Variants in GABRA2 observed in about 807,000 individuals in gnomAD.
GABRA2 encodes the protein gamma-aminobutyric acid type A receptor subunit alpha2.
Under a neutral mutation model 48.7 loss-of-function variants are expected in GABRA2, and 16 were observed. That is an observed-to-expected ratio of 0.33 (90% CI 0.22 to 0.50). The LOEUF (loss-of-function observed/expected upper bound fraction) is 0.50, where lower values mean the gene tolerates loss of function less well. GABRA2 is among the 20% of genes least tolerant of loss of function. GABRA2 has a pLI of 0.98. For synonymous variants in GABRA2, 185 were observed against 184.5 expected, an observed-to-expected ratio of 1.00 and a Z score of -0.02; for missense variants, 275 against 535.6, an observed-to-expected ratio of 0.51 and a Z score of 4.80.
chr4:46,345,016 T>TG (rs1284029877), intron 3 of GABRA2, among the ~76,000 whole-genome samples: 1 of 151,820 alleles, frequency 6.6e-6, no homozygotes, highest in Non-Finnish European at 1.5e-5. Flanking sequence ...GTGTCAAGGG[T>TG]GGGACCTAGT....
chr4:46,335,514 C>T (rs943644928), intron 3 of GABRA2, among the ~76,000 whole-genome samples: 1 of 152,076 alleles, frequency 6.6e-6, no homozygotes, highest in African/African-American at 2.4e-5. Flanking sequence ...GCTCTTATTG[C>T]CCAGGCTGGA....
intron 4 of GABRA2, among the ~76,000 whole-genome samples, chr4:46,330,484 G>A (rs1367784057): frequency 6.6e-6 from 1 of 151,296 alleles, no homozygotes; most frequent in African/African-American, 2.4e-5. Flanking sequence ...CAAGTATGAT[G>A]TGAATTTGTG....
intron 4 of GABRA2, among the ~76,000 whole-genome samples, chr4:46,327,884 C>T (rs1326480640): frequency 6.6e-6 from 1 of 151,996 alleles, no homozygotes; most frequent in Non-Finnish European, 1.5e-5. Flanking sequence ...CAAGCTCTAA[C>T]CCTAACACTT....
intron 6 of GABRA2, among the ~76,000 whole-genome samples, chr4:46,309,080 A>C (rs1319249294): frequency 6.6e-6 from 1 of 152,178 alleles, no homozygotes; most frequent in Admixed American, 6.6e-5. Context: ...GCCAATACTG[A>C]AGTTATGGTT....
rs1560435148 is a variant in GABRA2 at position 46,256,513 on chromosome 4, A to G, written c.1059+5413T>C. On this transcript the variant is annotated intron_variant, in intron 9 of 9. Coordinates refer to ENST00000381620, the MANE Select transcript of GABRA2 (RefSeq NM_000807.4). The stretch of plus-strand genomic sequence containing the variant: ...TTCAAAAGGCAATTTCAGTGTAAGG[A>G]AAAGTTTTTCTCTGAGAAAACTTAT... 6 of 415,136 alleles carry G rather than the reference A, an allele frequency of 1.4e-5. No homozygotes were observed. In the South Asian group the frequency reaches 4.0e-4, roughly 28 times the overall value. 25.7% of individuals were successfully genotyped at this position (415,136 alleles called of 1,614,324 possible). A position where few individuals can be genotyped will look rare whatever the true frequency, so the allele number is the denominator to read the frequency against.
At position 46,389,742 on chromosome 4, in the gene GABRA2, G is replaced by C; in HGVS notation, c.-18C>G. 1.0e-6 allele frequency: 1 copy of C among 977,818 alleles called. No individual in the cohort carries two copies. Among genetic ancestry groups the C allele is most frequent in the Non-Finnish European group, 1.2e-6 (1 of 828,854 alleles). The allele number at this position is 977,818 out of a possible 1,614,324, so 60.6% of individuals were successfully genotyped here. ...CAACGTGTGCGACCCTACCTGAAAC[G>C]GCAAGCAGAATTCGGTGTTTTCTTC... On this transcript the variant is annotated 5_prime_UTR_variant, in exon 1 of 10. Coordinates refer to ENST00000381620, the MANE Select transcript of GABRA2 (RefSeq NM_000807.4).
chr4:46,262,977 A>C (rs1219574580), intron 8 of GABRA2, among the ~76,000 whole-genome samples: 7 of 138,974 alleles, frequency 5.0e-5, no homozygotes, highest in African/African-American at 1.8e-4. Context: ...AGAGAGAGAG[A>C]GGGAGGGAGG....
At chr4:46,335,044 T>C (rs1731979216) in intron 3 of GABRA2, among the ~76,000 whole-genome samples, 1 of 152,148 alleles carries the variant, frequency 6.6e-6, no homozygotes, top group Non-Finnish European at 1.5e-5. Flanking sequence ...GTAATGAATA[T>C]AGATATTTGA....
Position 46,247,783 on chromosome 4 carries a change from T to TA in GABRA2, c.*2524dup, listed in dbSNP as rs1377564000. ...TTGTTACGAATCTTGTTCTATAATT[T>TA]AAAAGCAATTTCCACGGAGCATCCC... On this transcript the variant is annotated 3_prime_UTR_variant, in exon 10 of 10. Coordinates refer to ENST00000381620, the MANE Select transcript of GABRA2 (RefSeq NM_000807.4). 6.6e-6 allele frequency among the ~76,000 whole-genome samples: 1 copy of TA among 151,288 alleles called. No individual in the cohort carries two copies. The highest frequency in any genetic ancestry group is 1.5e-5 in the Non-Finnish European group (1 of 67,476).
chr4:46,290,309 A>AG (rs1055652577), intron 8 of GABRA2, among the ~76,000 whole-genome samples: 6 of 152,202 alleles, frequency 3.9e-5, no homozygotes, highest in African/African-American at 1.2e-4. Context: ...TCTGAAAAAA[A>AG]AAGCCATTGA....
chr4:46,388,771 C>T (rs575998508), intron 1 of GABRA2, 55 bp from the exon 2 acceptor site: 3 of 1,611,930 alleles, frequency 1.9e-6, no homozygotes, highest in East Asian at 2.2e-5. Flanking sequence ...CCTTCAGTTT[C>T]ACTATCCAAG....
intron 4 of GABRA2, among the ~76,000 whole-genome samples, chr4:46,325,621 T>C (rs1560530489): frequency 6.6e-6 from 1 of 152,026 alleles, no homozygotes; most frequent in Non-Finnish European, 1.5e-5. Context: ...TATAATTGCT[T>C]TCAGGGACTT....
Position 46,249,887 on chromosome 4 carries a change from A to C in GABRA2, c.*421T>G, listed in dbSNP as rs1271337055. 1 of 164,894 alleles carries C rather than the reference A, an allele frequency of 6.1e-6. No individual in the cohort carries two copies. Among genetic ancestry groups the C allele is most frequent in the Admixed American group, 5.8e-5 (1 of 17,196 alleles). 10.2% of individuals were successfully genotyped at this position (164,894 alleles called of 1,614,324 possible). ...GCTGATGTCAGATACAATGTTTGTT[A>C]CTTCAAAGGATTCATCTAGGAATGA... On this transcript the variant is annotated 3_prime_UTR_variant, in exon 10 of 10. Coordinates refer to ENST00000381620, the MANE Select transcript of GABRA2 (RefSeq NM_000807.4).
intron 3 of GABRA2, among the ~76,000 whole-genome samples, chr4:46,370,449 G>A (rs1714712703): frequency 6.6e-6 from 1 of 152,064 alleles, no homozygotes; most frequent in Non-Finnish European, 1.5e-5. Flanking sequence ...GAGTTTTCAA[G>A]TGGAGGTAGA....
intron 8 of GABRA2, among the ~76,000 whole-genome samples, chr4:46,286,276 T>A (rs148799932): frequency 6.6e-6 from 1 of 152,224 alleles, no homozygotes; most frequent in Non-Finnish European, 1.5e-5. Flanking sequence ...GTAGCATATA[T>A]CAGCACTTAA....
chr4:46,330,591 T>TAGAGAGAG (rs1553916278), intron 4 of GABRA2, among the ~76,000 whole-genome samples: 152 of 122,652 alleles, frequency 1.2e-3, no homozygotes, highest in African/African-American at 3.6e-3. Flanking sequence ...TATATATATA[T>TAGAGAGAG]AGAGAGAGAG....
intron 4 of GABRA2, among the ~76,000 whole-genome samples, chr4:46,319,299 GGAGT>G (rs59084312): frequency 0.047 from 7,169 of 151,676 alleles, 561 homozygotes; most frequent in African/African-American, 0.16. Flanking sequence ...GACTGTTCCT[GGAGT>G]GATTTCTCAT....
At chr4:46,261,883 A>G (rs766319287) in intron 9 of GABRA2, 43 bp downstream of exon 9, 7 of 1,456,122 alleles carry the variant, frequency 4.8e-6, no homozygotes, top group Non-Finnish European at 6.8e-6. Flanking sequence ...GGAATTCATT[A>G]GGGTATTTTC....
At chr4:46,351,240 G>A (rs570008764) in intron 3 of GABRA2, among the ~76,000 whole-genome samples, 95 of 152,010 alleles carry the variant, frequency 6.2e-4, no homozygotes, top group Non-Finnish European at 6.6e-4. Context: ...GCAGCATAGG[G>A]TTTGGAGCTC....
Sources: allele counts gnomAD v4.1 joint callset (sites outside exome capture counted in the v4.1 genomes callset), GRCh38; gene constraint gnomAD v4.1.1; transcripts MANE v1.5; gene names NCBI Gene and HGNC (gene_info 2026-07-23, HGNC 2026-07-21).